CCDC40: variants seen among roughly 807,000 people sequenced by gnomAD.
CCDC40 encodes coiled-coil domain-containing protein 40.
A neutral mutation model predicts 124.5 loss-of-function variants in CCDC40; 104 were observed. That is an observed-to-expected ratio of 0.84 (90% CI 0.71 to 0.98). The LOEUF (loss-of-function observed/expected upper bound fraction) is 0.98. CCDC40 is among the 50% of genes least tolerant of loss of function. The pLI, the probability that CCDC40 is intolerant of heterozygous loss-of-function variation, is 0.00. For synonymous variants in CCDC40, 580 were observed against 602.9 expected, an observed-to-expected ratio of 0.96 and a Z score of 0.56; for missense variants, 1,463 against 1,503.9, an observed-to-expected ratio of 0.97 and a Z score of 0.45.
chr17:80,090,724 T>A lies in CCDC40; in HGVS notation c.2832+840T>A, dbSNP rs1217216308. The A allele has an allele frequency of 2.1e-6, 3 of 1,406,142 alleles. No individual in the cohort carries two copies. The Admixed American group carries it at 9.1e-5, about 43-fold the overall frequency. 87.1% of individuals were successfully genotyped at this position (1,406,142 alleles called of 1,614,324 possible). On this transcript the variant is annotated intron_variant, in intron 17 of 19. Transcript: ENST00000397545. ...TGCCTTTAAAAGGCTGGTAATTAAA[T>A]TGCAAGTGGTCATCAAGCTAAAGGT...
chr17:80,037,164 C>T (rs1386065332), intron 1 of CCDC40, among the ~76,000 whole-genome samples: 2 of 152,218 alleles, frequency 1.3e-5, no homozygotes, highest in African/African-American at 4.8e-5. Flanking sequence ...GGACAGATCC[C>T]CTCTCGCAGG....
At chr17:80,065,726 C>T (rs1007917168) in intron 10 of CCDC40, 120 bp downstream of exon 10, 21 of 1,366,906 alleles carry the variant, frequency 1.5e-5, no homozygotes, top group African/African-American at 1.4e-4. Context: ...GCACCTTGAT[C>T]CCCGGGTCCG....
chr17:80,063,041 A>G (rs1183467547), intron 9 of CCDC40, among the ~76,000 whole-genome samples: 1 of 152,112 alleles, frequency 6.6e-6, no homozygotes, highest in East Asian at 1.9e-4. Flanking sequence ...CTAAAAATTC[A>G]AAAATTAGCC....
At chr17:80,068,324 C>T (rs1002336372) in intron 10 of CCDC40, among the ~76,000 whole-genome samples, 1 of 152,188 alleles carries the variant, frequency 6.6e-6, no homozygotes, top group African/African-American at 2.4e-5. Flanking sequence ...GGAGCCACTG[C>T]GCCCGGCCAG....
intron 10 of CCDC40, among the ~76,000 whole-genome samples, chr17:80,073,620 C>T (rs1427960332): frequency 6.6e-6 from 1 of 152,216 alleles, no homozygotes; most frequent in Non-Finnish European, 1.5e-5. Context: ...TTCTCCAAGA[C>T]TCAACAGTAT....
At position 80,084,821 on chromosome 17, in the gene CCDC40, G is replaced by A. The variant is rs201907038; in HGVS notation, c.2068G>A (p.Ala690Thr). The A allele has an allele frequency of 5.0e-5, 81 of 1,614,156 alleles. No homozygotes were observed. The Middle Eastern group carries it at 1.2e-3, about 23-fold the overall frequency. The change falls in exon 13 of 20, where the codon GCA becomes ACA. Residue 690 changes from alanine (A) to threonine (T), a missense_variant. By Grantham distance (58) the Ala-to-Thr change is moderately conservative. Coordinates refer to ENST00000397545, the MANE Select transcript of CCDC40 (RefSeq NM_017950.4). ...DITHTSSRLD[A>T]HQKTLVELDQ... ...CACACACACCAGCAGCAGGCTGGAC[G>A]CACACCAGAAGACCCTGGTGGAGCT...
chr17:80,090,628 G>A, intron 17 of CCDC40: 1 of 1,460,472 alleles, frequency 6.8e-7, no homozygotes, highest in South Asian at 1.4e-5. Flanking sequence ...CACCACAGAA[G>A]GGCTCAGAGA....
At chr17:80,043,292 C>T (rs1006958285) in intron 3 of CCDC40, among the ~76,000 whole-genome samples, 4 of 152,142 alleles carry the variant, frequency 2.6e-5, no homozygotes, top group African/African-American at 9.7e-5. Flanking sequence ...TCTCCAGGAG[C>T]CCTGTTTCTG....
intron 7 of CCDC40, among the ~76,000 whole-genome samples, chr17:80,053,061 T>C (rs2143628667): frequency 6.6e-6 from 1 of 152,320 alleles, no homozygotes; most frequent in Non-Finnish European, 1.5e-5. Flanking sequence ...GTAAAAGACA[T>C]GGACGACAGA....
At chr17:80,037,345 G>C (rs542035398) in intron 1 of CCDC40, among the ~76,000 whole-genome samples, 1 of 152,340 alleles carries the variant, frequency 6.6e-6, no homozygotes, top group South Asian at 2.1e-4. Flanking sequence ...TAAAAGGATA[G>C]AAACGATTGG....
chr17:80,085,993 T>G lies in CCDC40; in HGVS notation c.2236-10T>G. ...CCCTAATTTTGCTTTTTGATGAATA[T>G]CCGGTCTAGGGGGAAGAAGTGGGGC... On this transcript the variant is annotated splice_polypyrimidine_tract_variant and intron_variant, in intron 13 of 19. Coordinates refer to ENST00000397545, the MANE Select transcript of CCDC40 (RefSeq NM_017950.4). 6.2e-7 allele frequency: 1 copy of G among 1,613,484 alleles called. No homozygotes were observed. Among genetic ancestry groups the G allele is most frequent in the Non-Finnish European group, 8.5e-7 (1 of 1,179,712 alleles).
chr17:80,090,731 T>C (rs1271598894), intron 17 of CCDC40: 2 of 1,401,332 alleles, frequency 1.4e-6, no homozygotes, highest in Admixed American at 3.1e-5. Context: ...AAATTGCAAG[T>C]GGTCATCAAG....
chr17:80,043,306 G>T (rs1364493273), intron 3 of CCDC40, among the ~76,000 whole-genome samples: 1 of 152,120 alleles, frequency 6.6e-6, no homozygotes, highest in African/African-American at 2.4e-5. Context: ...GTTTCTGTTA[G>T]TGGAAAATAG....
At chr17:80,060,345 C>T (rs1215528098) in intron 9 of CCDC40, among the ~76,000 whole-genome samples, 2 of 151,740 alleles carry the variant, frequency 1.3e-5, no homozygotes, top group Admixed American at 6.6e-5. Flanking sequence ...AAGTTCAAGA[C>T]CAGACTGGGC....
chr17:80,075,564 G>A (rs1354735756), intron 10 of CCDC40, among the ~76,000 whole-genome samples: 1 of 152,112 alleles, frequency 6.6e-6, no homozygotes, highest in Admixed American at 6.6e-5. Context: ...TCCATCTGCC[G>A]CCCGCCCCGG....
chr17:80,047,924 G>T (rs2037472263), intron 4 of CCDC40, among the ~76,000 whole-genome samples: 1 of 152,172 alleles, frequency 6.6e-6, no homozygotes, highest in African/African-American at 2.4e-5. Flanking sequence ...CCTGCAGCCG[G>T]TCCAAACCTT....
chr17:80,058,376 G>A lies in CCDC40; in HGVS notation c.1160-118G>A. On this transcript the variant is annotated intron_variant, in intron 7 of 19. Transcript: ENST00000397545. This position sits in a 1 kb window ranked among gnomAD's most constrained non-coding sequence, Gnocchi z 4.2. ...CAGTTTCCCAGTCTTACCCAAAAAT[G>A]GCAGGAAGGGTGCCCAGAACGGCTG... 1.2e-6 allele frequency: 1 copy of A among 842,454 alleles called. No homozygotes were observed. Among genetic ancestry groups the A allele is most frequent in the Non-Finnish European group, 1.9e-6 (1 of 513,808 alleles). 52.2% of individuals were successfully genotyped at this position (842,454 alleles called of 1,614,324 possible).
chr17:80,056,505 G>T (rs188142037), intron 7 of CCDC40, among the ~76,000 whole-genome samples: 1 of 152,114 alleles, frequency 6.6e-6, no homozygotes, highest in Admixed American at 6.5e-5. Context: ...CATGTGCCTG[G>T]AGTCCCAGCT....
chr17:80,049,282 G>A (rs1299476800), intron 5 of CCDC40, among the ~76,000 whole-genome samples: 1 of 151,884 alleles, frequency 6.6e-6, no homozygotes, highest in Non-Finnish European at 1.5e-5. Context: ...GTGAGCACCT[G>A]TAATCCCTGT....
Sources: gnomAD v4.1 joint callset for allele counts (sites outside exome capture counted in the v4.1 genomes callset) on GRCh38, gnomAD v4.1.1 for gene constraint, Gnocchi (gnomAD v3.1) non-coding constraint, MANE v1.5 for transcripts, NCBI Gene and HGNC (gene_info 2026-07-23, HGNC 2026-07-21) for gene names.